The following MIB1 variants were observed in gnomAD, a reference collection of about 807,000 sequenced individuals.
MIB1 encodes the protein E3 ubiquitin-protein ligase MIB1.
A neutral mutation model predicts 124.5 loss-of-function variants in MIB1; 278 were observed. The observed-to-expected ratio is 2.23, with a 90% confidence interval of 2.02 to 2.47. The LOEUF (loss-of-function observed/expected upper bound fraction) is 2.47, where lower values mean the gene tolerates loss of function less well. Ranked by LOEUF, MIB1 falls within the 30% of genes most tolerant of loss-of-function variation. The probability of loss-of-function intolerance (pLI) is 0.00; values close to 1 mark genes in which losing one functional copy is unlikely to be tolerated. For missense variants in MIB1, 957 were observed against 1,254.4 expected (o/e 0.76, Z 3.58); for synonymous variants, 446 against 429.4 (o/e 1.04, Z -0.48).
At chr18:21,787,258 T>G (rs1170773089) in intron 6 of MIB1, among the ~76,000 whole-genome samples, 4 of 152,154 alleles carry the variant, frequency 2.6e-5, no homozygotes, top group African/African-American at 9.7e-5. Flanking sequence ...AAGTGGTACC[T>G]TGGCTATGTG....
At chr18:21,850,901 T>C (rs1352700819) in intron 17 of MIB1, among the ~76,000 whole-genome samples, 1 of 152,202 alleles carries the variant, frequency 6.6e-6, no homozygotes, top group African/African-American at 2.4e-5. Context: ...TCTGCCATTG[T>C]GTTTGAAACT....
chr18:21,801,403 A>C (rs997500413), intron 9 of MIB1, among the ~76,000 whole-genome samples: 1 of 152,156 alleles, frequency 6.6e-6, no homozygotes, highest in Non-Finnish European at 1.5e-5. Flanking sequence ...TATATAAATG[A>C]CATTCATAGC....
At chr18:21,856,200 G>A (rs990399135) in intron 18 of MIB1, among the ~76,000 whole-genome samples, 2 of 148,748 alleles carry the variant, frequency 1.3e-5, no homozygotes, top group African/African-American at 2.5e-5. Flanking sequence ...ACTGCAGTCC[G>A]CAGTCCGGCC....
chr18:21,815,703 T>A lies in MIB1; in HGVS notation c.1567T>A (p.Leu523Met). Residue 523 changes from leucine to methionine, a missense_variant, in exon 11 of 21, where the codon TTG (leucine) becomes ATG (methionine). Coordinates refer to ENST00000261537, the MANE Select transcript of MIB1 (RefSeq NM_020774.4). ...IEVLHRGSAD[L>M]NARNKRRQTP... ...AGTACTACATCGAGGTAGTGCTGAT[T>A]TGAATGCTCGAAACAAGCGCCGACA... The A allele has an allele frequency of 6.2e-7, 1 of 1,614,186 alleles. No individual in the cohort carries two copies. Among genetic ancestry groups the A allele is most frequent in the Non-Finnish European group, 8.5e-7 (1 of 1,180,020 alleles).
intron 20 of MIB1, among the ~76,000 whole-genome samples, chr18:21,864,260 G>A (rs1323534067): frequency 6.6e-6 from 1 of 152,154 alleles, no homozygotes; most frequent in African/African-American, 2.4e-5. Flanking sequence ...ACAGGTGTGA[G>A]CCAGGGTGTC....
At chr18:21,707,951 C>T (rs888487615) in intron 1 of MIB1, among the ~76,000 whole-genome samples, 1 of 152,068 alleles carries the variant, frequency 6.6e-6, no homozygotes, top group African/African-American at 2.4e-5. Flanking sequence ...TGGTGAGGGC[C>T]CTCTTTTGCC....
chr18:21,797,940 A>G (rs2041602962), intron 7 of MIB1, 144 bp from the exon 8 acceptor site: 1 of 642,552 alleles, frequency 1.6e-6, no homozygotes, highest in Non-Finnish European at 2.6e-6. Flanking sequence ...ACTTATTCAA[A>G]TAACCCATTT....
intron 4 of MIB1, among the ~76,000 whole-genome samples, chr18:21,777,430 C>T (rs1271304613): frequency 1.3e-5 from 2 of 152,118 alleles, no homozygotes; most frequent in African/African-American, 4.8e-5. Flanking sequence ...AAAGAATGTG[C>T]TGTGCACATT....
At chr18:21,757,608 C>T (rs921779313) in intron 1 of MIB1, among the ~76,000 whole-genome samples, 1 of 150,518 alleles carries the variant, frequency 6.6e-6, no homozygotes, top group Admixed American at 6.6e-5. Context: ...CCTCAGCCTC[C>T]AAAGTTGCTG....
intron 1 of MIB1, among the ~76,000 whole-genome samples, chr18:21,735,102 G>A (rs2040790164): frequency 6.6e-6 from 1 of 152,210 alleles, no homozygotes; most frequent in Non-Finnish European, 1.5e-5. Context: ...TGGCAAGGTG[G>A]CCAAATAGGA....
chr18:21,818,978 A>C (rs2041855559), intron 11 of MIB1, among the ~76,000 whole-genome samples: 1 of 152,150 alleles, frequency 6.6e-6, no homozygotes, highest in Non-Finnish European at 1.5e-5. Flanking sequence ...TTTGTTTTCC[A>C]ACTAGATTTG....
intron 1 of MIB1, among the ~76,000 whole-genome samples, chr18:21,761,226 G>T (rs549640272): frequency 7.1e-5 from 10 of 141,132 alleles, no homozygotes; most frequent in East Asian, 4.0e-4. Context: ...ACACAAAGTG[G>T]TTTTTTTTTT....
rs568563274 is a variant in MIB1 at position 21,755,136 on chromosome 18, TATC to T, written c.230-10633_230-10631del. 6.2e-3 allele frequency among the ~76,000 whole-genome samples: 940 copies of T among 152,270 alleles called. 9 individuals carry two copies. The highest frequency in any genetic ancestry group is 0.01 in the Non-Finnish European group (705 of 68,016). On this transcript the variant is annotated intron_variant, in intron 1 of 20. Coordinates refer to ENST00000261537, the MANE Select transcript of MIB1 (RefSeq NM_020774.4). Reference sequence around the variant, plus strand: ...GTGGTTTGTCTTGTTTAGCTTGTCTTATCATGTCTGGGAACATAGTTACAGCAA... The same window carrying T: ...GTGGTTTGTCTTGTTTAGCTTGTCTTATGTCTGGGAACATAGTTACAGCAA...
intron 15 of MIB1, among the ~76,000 whole-genome samples, chr18:21,844,502 C>CTTGG (rs901562136): frequency 1.4e-4 from 21 of 152,090 alleles, no homozygotes; most frequent in African/African-American, 4.6e-4. Flanking sequence ...GGCTGGAGTG[C>CTTGG]TTGGCTCACT....
chr18:21,745,971 G>C (rs551958198), intron 1 of MIB1, among the ~76,000 whole-genome samples: 1 of 152,084 alleles, frequency 6.6e-6, no homozygotes, highest in Admixed American at 6.5e-5. Flanking sequence ...CTCCCAAAGT[G>C]CTGGGATTAC....
exon 1 of MIB1, chr18:21,705,048 G>A (rs900774166): frequency 1.2e-5 from 2 of 167,548 alleles, no homozygotes; most frequent in African/African-American, 4.8e-5. Context: ...TTAAGGCCCC[G>A]CACCTGCAGC....
chr18:21,707,205 C>G (rs2040642703), intron 1 of MIB1, among the ~76,000 whole-genome samples: 1 of 152,044 alleles, frequency 6.6e-6, no homozygotes, highest in Non-Finnish European at 1.5e-5. Flanking sequence ...TAATCAGCAC[C>G]CTGTGTCTAG....
At chr18:21,782,198 C>T (rs1020895749) in intron 6 of MIB1, among the ~76,000 whole-genome samples, 1 of 152,180 alleles carries the variant, frequency 6.6e-6, no homozygotes, top group African/African-American at 2.4e-5. Context: ...TCTCAGCTCA[C>T]TGCAACCTCT....
chr18:21,745,180 G>A (rs1286318694), intron 1 of MIB1, among the ~76,000 whole-genome samples: 1 of 152,258 alleles, frequency 6.6e-6, no homozygotes, highest in Non-Finnish European at 1.5e-5. Context: ...GTATAGTGCA[G>A]TACTGTATAG....
Sources: gnomAD v4.1 joint callset for allele counts (sites outside exome capture counted in the v4.1 genomes callset) on GRCh38, gnomAD v4.1.1 for gene constraint, MANE v1.5 for transcripts, NCBI Gene and HGNC (gene_info 2026-07-23, HGNC 2026-07-21) for gene names.